PIK3CB: variants seen among roughly 807,000 people sequenced by gnomAD.
PIK3CB encodes the protein phosphatidylinositol-4,5-bisphosphate 3-kinase catalytic subunit beta, also known as phosphatidylinositol 4,5-bisphosphate 3-kinase catalytic subunit beta isoform.
Under a neutral mutation model 136.8 loss-of-function variants are expected in PIK3CB, and 39 were observed. That is an observed-to-expected ratio of 0.29 (90% CI 0.22 to 0.37). PIK3CB has a LOEUF of 0.37. Ranked by LOEUF, PIK3CB falls within the 10% of genes least tolerant of loss-of-function variation. The probability of loss-of-function intolerance (pLI) is 1.00; values close to 1 mark genes in which losing one functional copy is unlikely to be tolerated. For missense variants in PIK3CB, 868 were observed against 1,275.4 expected (o/e 0.68, Z 4.87); for synonymous variants, 428 against 436.6 (o/e 0.98, Z 0.25).
chr3:138,817,106 A>C (rs541269491), intron 1 of PIK3CB, among the ~76,000 whole-genome samples: 1 of 152,214 alleles, frequency 6.6e-6, no homozygotes, highest in East Asian at 1.9e-4. Context: ...TGGGAGGCCG[A>C]GGCGGGCGGA....
chr3:138,762,484 A>G (rs478653), intron 2 of PIK3CB, among the ~76,000 whole-genome samples: 15,386 of 152,198 alleles, frequency 0.1, 2,611 homozygotes, highest in African/African-American at 0.35. Flanking sequence ...ATAAACTTCC[A>G]TAAACACGAA....
chr3:138,735,979 T>C (rs1338351197), intron 6 of PIK3CB, among the ~76,000 whole-genome samples: 1 of 152,208 alleles, frequency 6.6e-6, no homozygotes, highest in Non-Finnish European at 1.5e-5. Context: ...CTCTCTTTTG[T>C]ACAGGGTCTC....
intron 2 of PIK3CB, among the ~76,000 whole-genome samples, chr3:138,786,176 A>G (rs1291762195): frequency 6.6e-6 from 1 of 152,182 alleles, no homozygotes; most frequent in Non-Finnish European, 1.5e-5. Flanking sequence ...TAAAGAAAAC[A>G]GTCTCTCCTG....
intron 22 of PIK3CB, among the ~76,000 whole-genome samples, 172 bp from the exon 23 acceptor site, chr3:138,656,446 A>C (rs564818850): frequency 6.6e-6 from 1 of 152,308 alleles, no homozygotes; most frequent in African/African-American, 2.4e-5. Context: ...CAGGACTAAA[A>C]TCTACATAAA....
intron 4 of PIK3CB, among the ~76,000 whole-genome samples, chr3:138,748,807 T>A (rs1284266396): frequency 6.6e-6 from 1 of 152,186 alleles, no homozygotes; most frequent in African/African-American, 2.4e-5. Context: ...CTATTGCTAG[T>A]GGTATTTTGT....
chr3:138,739,795 G>C (rs1036316468), intron 5 of PIK3CB, among the ~76,000 whole-genome samples: 8 of 150,340 alleles, frequency 5.3e-5, no homozygotes, highest in African/African-American at 1.7e-4. Context: ...CCAGCTACTC[G>C]GGAGGCTGAG....
At chr3:138,822,777 G>A (rs1933615458) in intron 1 of PIK3CB, among the ~76,000 whole-genome samples, 1 of 150,348 alleles carries the variant, frequency 6.7e-6, no homozygotes, top group Admixed American at 6.7e-5. Flanking sequence ...AGGAGGCGGA[G>A]GCTGCAGTGA....
At chr3:138,790,150 A>C (rs2046031761) in intron 2 of PIK3CB, among the ~76,000 whole-genome samples, 1 of 152,214 alleles carries the variant, frequency 6.6e-6, no homozygotes, top group African/African-American at 2.4e-5. Flanking sequence ...TCATAGAGAC[A>C]GAAAATAGAA....
At chr3:138,735,012 G>C (rs576954567) in intron 6 of PIK3CB, among the ~76,000 whole-genome samples, 3 of 146,870 alleles carry the variant, frequency 2.0e-5, no homozygotes, top group Non-Finnish European at 4.5e-5. Flanking sequence ...GCAGTGACAC[G>C]ATCACAGCTC....
intron 2 of PIK3CB, among the ~76,000 whole-genome samples, chr3:138,760,960 A>C (rs1027107637): frequency 6.6e-6 from 1 of 152,232 alleles, no homozygotes; most frequent in Non-Finnish European, 1.5e-5. Context: ...TAATAAATGG[A>C]AAAAGAATAA....
intron 8 of PIK3CB, among the ~76,000 whole-genome samples, chr3:138,721,584 T>C (rs539616276): frequency 1.4e-3 from 212 of 152,196 alleles, no homozygotes; most frequent in Non-Finnish European, 1.7e-3. Context: ...GCCTAATCTT[T>C]CCCAAATCCA....
intron 1 of PIK3CB, among the ~76,000 whole-genome samples, chr3:138,820,306 C>T (rs573380842): frequency 1.2e-4 from 18 of 152,184 alleles, no homozygotes; most frequent in Non-Finnish European, 2.4e-4. Flanking sequence ...TCACCTTTCA[C>T]ATCTCAATTC....
At chr3:138,770,504 T>C (rs1241478513) in intron 2 of PIK3CB, 4 of 151,588 alleles carry the variant, frequency 2.6e-5, no homozygotes, top group African/African-American at 9.7e-5. Flanking sequence ...GGTCAGGAGA[T>C]CGTGACCATC....
rs752960324 is a variant in PIK3CB at position 138,699,030 on chromosome 3, T to C, written c.1647A>G (p.Gln549=). The change falls in exon 13 of 24, where the codon CAA becomes CAG. Residue 549 remains glutamine (Q), a synonymous_variant. Transcript: ENST00000674063. ...KEILDRDPLS[Q]LCENEMDLIW... Reference sequence around the variant, plus strand: ...TAAGATCCATTTCATTTTCACACAGTTGAGACAAGGGATCCCTGTCCAAGA... The same window carrying C: ...TAAGATCCATTTCATTTTCACACAGCTGAGACAAGGGATCCCTGTCCAAGA... 2.3e-5 allele frequency: 37 copies of C among 1,605,128 alleles called. No homozygotes were observed. In the South Asian group the frequency reaches 4.0e-4, roughly 17 times the overall value.
chr3:138,827,368 T>C (rs549543702), intron 1 of PIK3CB, among the ~76,000 whole-genome samples: 22 of 152,114 alleles, frequency 1.4e-4, no homozygotes, highest in Non-Finnish European at 1.2e-4. Flanking sequence ...GAACGCCTAA[T>C]AGAAGGCTGG....
At position 138,755,830 on chromosome 3, in the gene PIK3CB, T is replaced by C. The variant is rs991429996; in HGVS notation, c.321A>G (p.Pro107=). 3 of 1,613,440 alleles carry C rather than the reference T, an allele frequency of 1.9e-6. No individual in the cohort carries two copies. The highest frequency in any genetic ancestry group is 1.7e-6 in the Non-Finnish European group (2 of 1,179,526). Residue 107 remains proline (P), a synonymous_variant, in exon 4 of 24, where the codon CCA becomes CCG. Coordinates refer to ENST00000674063, the MANE Select transcript of PIK3CB (RefSeq NM_006219.3). ...RRLCDVRPFL[P]VLKLVTRSCD... ...AACTTCTTGTCACTAATTTGAGAAC[T>C]GGAAGAAAAGGTCTGACATCACAGA...
chr3:138,665,209 A>G lies in PIK3CB; in HGVS notation c.2505-6T>C. The G allele has an allele frequency of 1.3e-6, 2 of 1,573,532 alleles. No homozygotes were observed. The highest frequency in any genetic ancestry group is 2.3e-5 in the East Asian group (1 of 43,864). ...AACAGCCATAAGGCAACATCCTGGA[A>G]GGAAAAAAATGGGCATAGAGTCATA... On this transcript the variant is annotated splice_polypyrimidine_tract_variant and splice_region_variant and intron_variant, in intron 19 of 23. Transcript: ENST00000674063.
intron 11 of PIK3CB, among the ~76,000 whole-genome samples, chr3:138,706,677 G>A (rs993858572): frequency 2.0e-5 from 3 of 151,826 alleles, no homozygotes; most frequent in Admixed American, 2.0e-4. Flanking sequence ...TTTTTTTTGA[G>A]ACGGAGTTTT....
rs539855723 is a variant in PIK3CB at position 138,732,605 on chromosome 3, G to A, written c.1050+756C>T. Among the ~76,000 whole-genome samples, 4 of 151,388 alleles carry A rather than the reference G, an allele frequency of 2.6e-5. 1 individual carries two copies. The South Asian group carries it at 8.4e-4, about 32-fold the overall frequency. ...GTTAAGTCTTTATTTAAATGTATGG[G>A]ATTGAGCAATAAACCCCCATGTGTT... is the stretch of plus-strand genomic sequence containing the variant. On this transcript the variant is annotated intron_variant, in intron 8 of 23. Coordinates refer to ENST00000674063, the MANE Select transcript of PIK3CB (RefSeq NM_006219.3).
Sources: allele counts gnomAD v4.1 joint callset (sites outside exome capture counted in the v4.1 genomes callset), GRCh38; gene constraint gnomAD v4.1.1; transcripts MANE v1.5; gene names NCBI Gene and HGNC (gene_info 2026-07-23, HGNC 2026-07-21).